The following ATRNL1 variants were observed in gnomAD, a reference collection of about 807,000 sequenced individuals.
ATRNL1 encodes attractin-like protein 1.
In ATRNL1, 95 loss-of-function variants were observed where a neutral mutation model predicts 182.7. The ratio of observed to expected loss-of-function variants is 0.52; its 90% confidence interval spans 0.44 to 0.62. ATRNL1 has a LOEUF of 0.62. Among genes scored for constraint, ATRNL1 ranks in the 20% least tolerant of loss-of-function variants. The probability of loss-of-function intolerance (pLI) is 0.00; values close to 1 mark genes in which losing one functional copy is unlikely to be tolerated. For missense variants in ATRNL1, 1,471 were observed against 1,679.5 expected (o/e 0.88, Z 2.17); for synonymous variants, 576 against 568.3 (o/e 1.01, Z -0.19).
intron 9 of ATRNL1, among the ~76,000 whole-genome samples, chr10:115,237,551 G>A (rs1400717703): frequency 6.6e-6 from 1 of 152,136 alleles, no homozygotes; most frequent in Non-Finnish European, 1.5e-5. Context: ...TGTCTGTTCA[G>A]ATCTTTTGCC....
intron 20 of ATRNL1, among the ~76,000 whole-genome samples, chr10:115,421,763 G>T (rs1845660193): frequency 6.6e-6 from 1 of 152,104 alleles, no homozygotes; most frequent in South Asian, 2.1e-4. Context: ...AAAGAATAAA[G>T]CTGGGGATAC....
At chr10:115,217,504 A>T (rs1849279870) in intron 9 of ATRNL1, among the ~76,000 whole-genome samples, 1 of 152,206 alleles carries the variant, frequency 6.6e-6, no homozygotes, top group African/African-American at 2.4e-5. Flanking sequence ...GGTAAGAAGA[A>T]TCTTAATGAA....
intron 18 of ATRNL1, among the ~76,000 whole-genome samples, chr10:115,330,672 CTTTT>C (rs200104323): frequency 9.9e-6 from 1 of 101,408 alleles, no homozygotes; most frequent in Admixed American, 1.1e-4. Flanking sequence ...GTGTTATTTG[CTTTT>C]TTTTTTTTTT....
intron 26 of ATRNL1, among the ~76,000 whole-genome samples, chr10:115,569,605 G>T (rs547311052): frequency 6.6e-6 from 1 of 152,124 alleles, no homozygotes; most frequent in South Asian, 2.1e-4. Context: ...TTCAAGGGTG[G>T]TATTTTCTTT....
intron 3 of ATRNL1, among the ~76,000 whole-genome samples, chr10:115,127,181 T>G (rs1261333839): frequency 2.0e-5 from 3 of 152,180 alleles, no homozygotes; most frequent in Non-Finnish European, 2.9e-5. Context: ...TCTTCCAGCT[T>G]CATCGGATTT....
chr10:115,763,206 C>T (rs1358509308), intron 27 of ATRNL1, among the ~76,000 whole-genome samples: 7 of 151,928 alleles, frequency 4.6e-5, no homozygotes, highest in African/African-American at 1.7e-4. Context: ...ATCCATCATT[C>T]AAAAATATTT....
In ATRNL1 at chr10:115,300,143, A is replaced by G. The variant is rs147589789; in HGVS notation, c.2525A>G (p.Asn842Ser). The change falls in exon 16 of 29, where the codon AAT becomes AGT. Residue 842 changes from asparagine to serine, a missense_variant. Transcript: ENST00000355044. Reference sequence around the variant, plus strand: ...CTACAGTGGCTTCCTGGCGAACCCAATGATTCTGGGTTTTGTGCATATCTG... The same window carrying G: ...CTACAGTGGCTTCCTGGCGAACCCAGTGATTCTGGGTTTTGTGCATATCTG... ...TTLQWLPGEP[N>S]DSGFCAYLER... The G allele has an allele frequency of 5.1e-5, 82 of 1,613,878 alleles. 1 individual carries two copies. The highest frequency in any genetic ancestry group is 1.7e-4 in the African/African-American group (13 of 74,938).
At chr10:115,152,636 A>G (rs1251536423) in intron 5 of ATRNL1, among the ~76,000 whole-genome samples, 2 of 152,202 alleles carry the variant, frequency 1.3e-5, no homozygotes, top group East Asian at 1.9e-4. Flanking sequence ...GGGTTTTCTA[A>G]ATATACAATC....
chr10:115,669,515 C>T lies in ATRNL1; in HGVS notation c.3796-57733C>T, dbSNP rs962423439. On this transcript the variant is annotated intron_variant, in intron 26 of 28. Coordinates refer to ENST00000355044, the MANE Select transcript of ATRNL1 (RefSeq NM_207303.4). Reference sequence around the variant, plus strand: ...GCAACTGACATTCTATGTTCAGATTCATTGTGCTCCTGATATATTCCCATC... The same window carrying T: ...GCAACTGACATTCTATGTTCAGATTTATTGTGCTCCTGATATATTCCCATC... Among the ~76,000 whole-genome samples, 4 of 152,124 alleles carry T rather than the reference C, an allele frequency of 2.6e-5. No individual in the cohort carries two copies. The South Asian group carries it at 6.2e-4, about 24-fold the overall frequency.
chr10:115,666,820 A>G (rs1593036413), intron 26 of ATRNL1, among the ~76,000 whole-genome samples: 1 of 152,122 alleles, frequency 6.6e-6, no homozygotes, highest in Non-Finnish European at 1.5e-5. Context: ...TAGAATGACC[A>G]CCTACCCTAT....
At chr10:115,890,840 A>G (rs558342404) in intron 28 of ATRNL1, among the ~76,000 whole-genome samples, 3 of 152,130 alleles carry the variant, frequency 2.0e-5, no homozygotes, top group Non-Finnish European at 2.9e-5. Flanking sequence ...TCTGTGCCAA[A>G]TTAGTGTTGA....
chr10:115,468,019 A>G (rs1316304945), intron 23 of ATRNL1, among the ~76,000 whole-genome samples: 1 of 150,778 alleles, frequency 6.6e-6, no homozygotes, highest in African/African-American at 2.4e-5. Flanking sequence ...ATGCTATTTT[A>G]ATATGTAGAA....
intron 19 of ATRNL1, among the ~76,000 whole-genome samples, chr10:115,341,101 A>G (rs782663527): frequency 6.6e-6 from 1 of 151,630 alleles, no homozygotes; most frequent in Non-Finnish European, 1.5e-5. Flanking sequence ...TCTAGTTTTT[A>G]AGATGCATCA....
chr10:115,206,997 G>C (rs1041785083), intron 8 of ATRNL1, among the ~76,000 whole-genome samples: 27 of 152,098 alleles, frequency 1.8e-4, no homozygotes, highest in African/African-American at 5.3e-4. Context: ...CTTCATCCAT[G>C]TCCCTGCAAA....
chr10:115,172,862 C>G (rs1749981148), intron 8 of ATRNL1, among the ~76,000 whole-genome samples: 1 of 149,264 alleles, frequency 6.7e-6, no homozygotes, highest in Non-Finnish European at 1.5e-5. Context: ...TTTATGATAT[C>G]CGGTACTTAC....
intron 8 of ATRNL1, among the ~76,000 whole-genome samples, chr10:115,195,369 A>G (rs1197368993): frequency 3.9e-5 from 6 of 151,996 alleles, no homozygotes; most frequent in Non-Finnish European, 5.9e-5. Flanking sequence ...ATTTTGCTGG[A>G]TATATATAAC....
chr10:115,242,510 T>C (rs981723212), intron 10 of ATRNL1, among the ~76,000 whole-genome samples: 5 of 151,944 alleles, frequency 3.3e-5, no homozygotes, highest in Non-Finnish European at 7.4e-5. Flanking sequence ...CACCTTTTAT[T>C]GAGGGTATAA....
chr10:115,902,719 G>A (rs1351774287), intron 28 of ATRNL1, among the ~76,000 whole-genome samples: 2 of 152,184 alleles, frequency 1.3e-5, no homozygotes, highest in Admixed American at 6.5e-5. Flanking sequence ...TTTGGAGGCA[G>A]TTCCTTCCTT....
chr10:115,457,785 A>G (rs1847600355), intron 21 of ATRNL1, among the ~76,000 whole-genome samples: 1 of 151,984 alleles, frequency 6.6e-6, no homozygotes, highest in Admixed American at 6.6e-5. Context: ...TTTTTTCACA[A>G]GATCTCATCA....
Sources: gnomAD v4.1 joint callset for allele counts (sites outside exome capture counted in the v4.1 genomes callset) on GRCh38, gnomAD v4.1.1 for gene constraint, MANE v1.5 for transcripts, NCBI Gene and HGNC (gene_info 2026-07-23, HGNC 2026-07-21) for gene names.